The following GBP4 variants were observed in gnomAD, a reference collection of about 807,000 sequenced individuals.
GBP4 encodes the protein guanylate-binding protein 4.
In GBP4, 69 loss-of-function variants were observed where a neutral mutation model predicts 62.2. That is an observed-to-expected ratio of 1.11 (90% confidence interval 0.91 to 1.36). The LOEUF (loss-of-function observed/expected upper bound fraction) is 1.36, where lower values mean the gene tolerates loss of function less well. Among genes scored for constraint, GBP4 ranks in the 40% most tolerant of loss-of-function variants. The pLI is 0.00. For synonymous variants in GBP4, 278 were observed against 274.6 expected, an observed-to-expected ratio of 1.01 and a Z score of -0.12; for missense variants, 697 against 759.3, an observed-to-expected ratio of 0.92 and a Z score of 0.96.
intron 5 of GBP4, among the ~76,000 whole-genome samples, chr1:89,192,682 G>A (rs911960279): frequency 1.3e-5 from 2 of 152,060 alleles, no homozygotes; most frequent in East Asian, 1.9e-4. Context: ...ATAGAACTTC[G>A]AGTTTTAAAT....
intron 5 of GBP4, 48 bp from the exon 6 acceptor site, chr1:89,191,554 C>CA (rs749414607): frequency 6.3e-7 from 1 of 1,586,722 alleles, no homozygotes; most frequent in South Asian, 1.1e-5. Flanking sequence ...AGCCTGCAGG[C>CA]AAGGGGGCTG....
rs1441049774 is a variant in GBP4, at chr1:89,181,564, T to A, written c.*3690A>T. ...TATTTACTAACTATAAGTATATATTTACTAAACATATACATTTATATTTAT... is the reference window on the plus strand; with the variant it reads ...TATTTACTAACTATAAGTATATATTAACTAAACATATACATTTATATTTAT... On this transcript the variant is annotated 3_prime_UTR_variant, in exon 11 of 11. Transcript: ENST00000355754. 1 of 152,048 alleles carries A rather than the reference T, an allele frequency of 6.6e-6. No individual in the cohort carries two copies. 9.4% of individuals were successfully genotyped at this position (152,048 alleles called of 1,614,324 possible).
chr1:89,186,300 C>T (rs756417892), intron 10 of GBP4, 33 bp downstream of exon 10: 1 of 1,564,752 alleles, frequency 6.4e-7, no homozygotes, highest in Non-Finnish European at 8.8e-7. Flanking sequence ...GGGCATTGTC[C>T]CTCAGGCACT....
intron 1 of GBP4, among the ~76,000 whole-genome samples, chr1:89,198,336 G>A (rs1160823360): frequency 6.6e-6 from 1 of 152,092 alleles, no homozygotes; most frequent in East Asian, 1.9e-4. Context: ...GTAAGGGGCT[G>A]CAAGTGAAGG....
chr1:89,197,955 C>T (rs894377468), intron 1 of GBP4, among the ~76,000 whole-genome samples: 3 of 151,766 alleles, frequency 2.0e-5, no homozygotes, highest in Non-Finnish European at 1.5e-5. Context: ...GGCTAGTGCT[C>T]AAAATTCTCT....
Position 89,182,016 on chromosome 1 carries a change from T to G in GBP4, c.*3238A>C, listed in dbSNP as rs1259578978. On this transcript the variant is annotated 3_prime_UTR_variant, in exon 11 of 11. Coordinates refer to ENST00000355754, the MANE Select transcript of GBP4 (RefSeq NM_052941.5). The stretch of plus-strand genomic sequence containing the variant: ...AGAAATAAGAGATGTCACAAACAAA[T>G]GGAAAAACATTCCATGCTCATGAAT... The G allele has an allele frequency of 6.6e-6, 1 of 152,078 alleles. No individual in the cohort carries two copies. The highest frequency in any genetic ancestry group is 6.5e-5 in the Admixed American group (1 of 15,270). 9.4% of individuals were successfully genotyped at this position (152,078 alleles called of 1,614,324 possible). A position where few individuals can be genotyped will look rare whatever the true frequency, so the allele number is the denominator to read the frequency against.
intron 7 of GBP4, among the ~76,000 whole-genome samples, chr1:89,189,560 G>A (rs868576112): frequency 6.6e-6 from 1 of 152,218 alleles, no homozygotes; most frequent in South Asian, 2.1e-4. Context: ...GCCCTGTTGG[G>A]CATGACCTAA....
chr1:89,186,584 C>G, intron 9 of GBP4, 58 bp from the exon 10 acceptor site: 1 of 1,475,000 alleles, frequency 6.8e-7, no homozygotes, highest in Non-Finnish European at 9.3e-7. Context: ...GAGTTCTACC[C>G]TCCTGAGCTC....
intron 1 of GBP4, 55 bp downstream of exon 1, chr1:89,198,740 G>A (rs377646918): frequency 1.4e-6 from 2 of 1,472,318 alleles, no homozygotes; most frequent in South Asian, 1.1e-5. Context: ...GGAATTTGTT[G>A]TTGTTTGTTA....
chr1:89,185,583 A>G (rs776125656), intron 10 of GBP4, 114 bp from the exon 11 acceptor site: 2 of 634,484 alleles, frequency 3.2e-6, no homozygotes, highest in Non-Finnish European at 5.5e-6. Flanking sequence ...CTATTATCTT[A>G]GAAAACGCTT....
chr1:89,197,558 T>G (rs2100680856), intron 1 of GBP4, among the ~76,000 whole-genome samples: 1 of 152,308 alleles, frequency 6.6e-6, no homozygotes, highest in South Asian at 2.1e-4. Context: ...ATGTACATTA[T>G]TTATGATTCT....
rs1648416150 is a variant in GBP4, at chr1:89,198,795, C to T, written c.40G>A (p.Gly14Ser). The change falls in exon 1 of 11, where the codon GGT (glycine) becomes AGT (serine). Residue 14 changes from glycine to serine, a missense_variant and splice_region_variant. Gly to Ser is a moderately conservative substitution (Grantham distance 56). Transcript: ENST00000355754. ...RTLHAAVPTP[G>S]YPESESIMMA... ...AGGTAAAGCTTAAGAGCAAACTTAC[C>T]TGGTGTGGGCACTGCAGCGTGAAGA... 4.3e-6 allele frequency: 7 copies of T among 1,613,388 alleles called. No individual in the cohort carries two copies. Among genetic ancestry groups the T allele is most frequent in the Non-Finnish European group, 4.2e-6 (5 of 1,179,322 alleles).
chr1:89,197,924 A>G (rs1408666900), intron 1 of GBP4, among the ~76,000 whole-genome samples: 1 of 152,140 alleles, frequency 6.6e-6, no homozygotes, highest in East Asian at 1.9e-4. Flanking sequence ...GGAGTCCTTT[A>G]TTAGCCGGCG....
At chr1:89,185,680 C>T (rs1648016525) in intron 10 of GBP4, among the ~76,000 whole-genome samples, 1 of 152,158 alleles carries the variant, frequency 6.6e-6, no homozygotes, top group African/African-American at 2.4e-5. Flanking sequence ...CCCTAAGCAA[C>T]ATCTCACTGG....
intron 2 of GBP4, among the ~76,000 whole-genome samples, chr1:89,196,647 A>T (rs1290874981): frequency 1.3e-5 from 2 of 152,262 alleles, no homozygotes; most frequent in African/African-American, 2.4e-5. Flanking sequence ...AATATAATTT[A>T]TCAGAGTTTT....
chr1:89,189,111 G>A (rs532610869), intron 7 of GBP4, among the ~76,000 whole-genome samples: 1 of 152,280 alleles, frequency 6.6e-6, no homozygotes, highest in Admixed American at 6.5e-5. Context: ...TTGAATTCTG[G>A]CTGGAAGCAA....
At chr1:89,193,953 A>G (rs1008172562) in intron 3 of GBP4, among the ~76,000 whole-genome samples, 11 of 152,228 alleles carry the variant, frequency 7.2e-5, no homozygotes, top group Admixed American at 5.9e-4. Flanking sequence ...GTATAAAACA[A>G]ATAAAAAGAA....
At position 89,190,101 on chromosome 1, in the gene GBP4, G is replaced by A. The variant is rs948466953; in HGVS notation, c.1134C>T (p.Ala378=). 9 of 1,614,002 alleles carry A rather than the reference G, an allele frequency of 5.6e-6. No individual in the cohort carries two copies. In the African/African-American group the frequency reaches 1.2e-4, roughly 22 times the overall value. The part of the protein sequence containing the change: ...LDVHAACERE[A]IAVFMEHSFK... ...AGGAGTGCTCCATGAAGACTGCAAT[G>A]GCTTCCCTCTCACAGGCTGCATGCA... Residue 378 remains alanine (A), a synonymous_variant, in exon 7 of 11, where the codon GCC becomes GCT. Transcript: ENST00000355754.
rs745931623 is a variant in GBP4, at chr1:89,188,647, G to T, written c.1345C>A (p.Leu449Ile). The T allele has an allele frequency of 6.2e-7, 1 of 1,614,198 alleles. No homozygotes were observed. Among genetic ancestry groups the T allele is most frequent in the Non-Finnish European group, 8.5e-7 (1 of 1,180,028 alleles). The stretch of plus-strand genomic sequence containing the variant: ...ACCTGTTTCTTTTCTTCTAAGTAGA[G>T]ATTGTGTCCTCCAGGAACAGAGAAA... ...GIFSVPGGHN[L>I]YLEEKKQVEW... Residue 449 changes from leucine to isoleucine, a missense_variant, in exon 8 of 11, where the codon CTC becomes ATC. Physicochemically the swap from Leu to Ile is conservative, Grantham distance 5 (BLOSUM62 2). Transcript: ENST00000355754.
Sources: allele counts gnomAD v4.1 joint callset (sites outside exome capture counted in the v4.1 genomes callset), GRCh38; gene constraint gnomAD v4.1.1; transcripts MANE v1.5; gene names NCBI Gene and HGNC (gene_info 2026-07-23, HGNC 2026-07-21).